Variants in MCPH1 observed in about 807,000 individuals in gnomAD.
The protein encoded by MCPH1 is microcephalin 1.
Under a neutral mutation model 84.5 loss-of-function variants are expected in MCPH1, and 104 were observed. The observed-to-expected ratio is 1.23, with a 90% CI of 1.05 to 1.45. The LOEUF is 1.45. Ranked by LOEUF, MCPH1 falls within the 40% of genes most tolerant of loss-of-function variation. The pLI, the probability that MCPH1 is intolerant of heterozygous loss-of-function variation, is 0.00. For synonymous variants in MCPH1, 514 were observed against 366.8 expected (o/e 1.40, Z -4.58); for missense variants, 1,498 against 1,005.7 (o/e 1.49, Z -6.62).
chr8:6,447,238 C>T, intron 8 of MCPH1: 1 of 985,314 alleles, frequency 1.0e-6, no homozygotes, highest in Non-Finnish European at 1.2e-6. Context: ...TCAGGTGAAC[C>T]AACTCTCTTT....
At chr8:6,420,791 C>G (rs1166222381) in intron 3 of MCPH1, among the ~76,000 whole-genome samples, 2 of 152,128 alleles carry the variant, frequency 1.3e-5, no homozygotes, top group Non-Finnish European at 2.9e-5. Flanking sequence ...TGGAAGGTAT[C>G]CAAGTTACCG....
At chr8:6,599,768 T>A (rs1460539278) in intron 12 of MCPH1, among the ~76,000 whole-genome samples, 1 of 152,232 alleles carries the variant, frequency 6.6e-6, no homozygotes, top group East Asian at 1.9e-4. Flanking sequence ...ACAGAGAGAT[T>A]CAATTAGAGA....
intron 12 of MCPH1, among the ~76,000 whole-genome samples, chr8:6,505,239 A>AATAG (rs1813106006): frequency 1.6e-5 from 1 of 60,884 alleles, no homozygotes; most frequent in Non-Finnish European, 2.8e-5. Context: ...GTATATATAG[A>AATAG]ATATATATTC....
intron 12 of MCPH1, among the ~76,000 whole-genome samples, chr8:6,559,519 A>C (rs1455319429): frequency 6.6e-6 from 1 of 151,934 alleles, no homozygotes; most frequent in Non-Finnish European, 1.5e-5. Flanking sequence ...AACAAACAAA[A>C]AACGATGGCA....
At chr8:6,425,601 G>T (rs1257983944) in intron 3 of MCPH1, among the ~76,000 whole-genome samples, 3 of 152,186 alleles carry the variant, frequency 2.0e-5, no homozygotes, top group Non-Finnish European at 4.4e-5. Flanking sequence ...TGGTTGGGAA[G>T]CTTCTCCCAA....
At chr8:6,480,002 A>G (rs1436380395) in intron 10 of MCPH1, among the ~76,000 whole-genome samples, 3 of 152,180 alleles carry the variant, frequency 2.0e-5, no homozygotes, top group Non-Finnish European at 4.4e-5. Flanking sequence ...AAAATAAGTG[A>G]GGTTCTTGGT....
chr8:6,554,807 GAA>G (rs1372439836), intron 12 of MCPH1, among the ~76,000 whole-genome samples: 1 of 152,164 alleles, frequency 6.6e-6, no homozygotes, highest in Non-Finnish European at 1.5e-5. Context: ...ATTGCAAAGA[GAA>G]AGGTTTTAGC....
chr8:6,520,886 G>A (rs2922897), intron 12 of MCPH1, among the ~76,000 whole-genome samples: 52,980 of 151,984 alleles, frequency 0.35, 9,379 homozygotes, highest in Middle Eastern at 0.48. Context: ...AATGAATATC[G>A]GCTGTGGTTT....
Position 6,454,305 on chromosome 8 carries a change from G to C in MCPH1, c.1826-838G>C, listed in dbSNP as rs145268018. On this transcript the variant is annotated intron_variant, in intron 8 of 13. Transcript: ENST00000344683. ...TTTGTTAATCATTAGGTAATCAACA[G>C]TGCAGTTTGGCTATCACCTGCCTGG... Among the ~76,000 whole-genome samples, 353 of 152,308 alleles carry C rather than the reference G, an allele frequency of 2.3e-3. 2 individuals are homozygous for C. The highest frequency in any genetic ancestry group is 7.6e-3 in the African/African-American group (314 of 41,574).
chr8:6,477,445 T>C, intron 9 of MCPH1, 149 bp from the exon 10 acceptor site: 2 of 669,262 alleles, frequency 3.0e-6, no homozygotes, highest in Non-Finnish European at 5.1e-6. Context: ...TTTCCAGGAA[T>C]ATAAAGGTTT....
intron 12 of MCPH1, among the ~76,000 whole-genome samples, chr8:6,504,163 A>G (rs1018068398): frequency 1.3e-5 from 2 of 151,830 alleles, no homozygotes; most frequent in African/African-American, 2.4e-5. Context: ...CTAAAAATAC[A>G]AAAAATTAGC....
intron 12 of MCPH1, among the ~76,000 whole-genome samples, chr8:6,579,614 G>A (rs1415538561): frequency 6.6e-6 from 1 of 152,146 alleles, no homozygotes; most frequent in Non-Finnish European, 1.5e-5. Flanking sequence ...TGTTGTTGTT[G>A]TTGTCATTGC....
rs377170847 is a variant in MCPH1, at chr8:6,409,402, G to A, written c.114+32G>A. ...CACTTATTTTGCTGTTGATTCATAT[G>A]ACAGTCTTCTGATTGGTAAAAAGTT... On this transcript the variant is annotated intron_variant, in intron 2 of 13. Transcript: ENST00000344683. The A allele has an allele frequency of 1.9e-5, 29 of 1,498,764 alleles. No homozygotes were observed. The African/African-American group carries it at 3.7e-4, about 19-fold the overall frequency. 92.8% of individuals were successfully genotyped at this position (1,498,764 alleles called of 1,614,324 possible). A position where few individuals can be genotyped will look rare whatever the true frequency, so the allele number is the denominator to read the frequency against.
chr8:6,627,861 C>T lies in MCPH1; in HGVS notation c.2452+6170C>T, dbSNP rs576146401. Among the ~76,000 whole-genome samples the T allele has an allele frequency of 3.9e-5, 6 of 152,144 alleles. No individual in the cohort carries two copies. In the East Asian group the frequency reaches 1.2e-3, roughly 29 times the overall value. On this transcript the variant is annotated intron_variant, in intron 13 of 13. Coordinates refer to ENST00000344683, the MANE Select transcript of MCPH1 (RefSeq NM_024596.5). ...GAGCTGTGATCATGCCATTGCACTC[C>T]AGCCTGTGCGACAGAGTGAGAACCT...
chr8:6,633,734 C>A (rs2129582555), intron 13 of MCPH1, among the ~76,000 whole-genome samples: 1 of 152,268 alleles, frequency 6.6e-6, no homozygotes, highest in South Asian at 2.1e-4. Context: ...CTGGACGCAC[C>A]CAACGCAGAT....
chr8:6,509,144 C>T, intron 12 of MCPH1: 1 of 1,528,450 alleles, frequency 6.5e-7, no homozygotes, highest in Non-Finnish European at 8.9e-7. Flanking sequence ...ATGAAGAATT[C>T]CATTCTACAG....
Position 6,645,542 on chromosome 8 carries a change from T to G in MCPH1, c.*2493T>G, listed in dbSNP as rs573754445. The G allele has an allele frequency of 7.6e-6, 1 of 131,642 alleles. No homozygotes were observed. Among genetic ancestry groups the G allele is most frequent in the South Asian group, 2.3e-4 (1 of 4,304 alleles). The allele number at this position is 131,642 out of a possible 1,614,324, so 8.2% of individuals were successfully genotyped here. A position where few individuals can be genotyped will look rare whatever the true frequency, so the allele number is the denominator to read the frequency against. ...AAATTAAAGCTATACAGATTGGAAG[T>G]GAAGAAATAAAAGTCTTTATTCTCA... On this transcript the variant is annotated 3_prime_UTR_variant, in exon 14 of 14. Transcript: ENST00000344683.
intron 10 of MCPH1, among the ~76,000 whole-genome samples, chr8:6,478,470 G>A (rs1405276850): frequency 2.0e-5 from 3 of 152,066 alleles, no homozygotes; most frequent in African/African-American, 7.2e-5. Context: ...CAAAATAAAA[G>A]AAAAATTACT....
intron 8 of MCPH1, chr8:6,446,335 GAA>G: frequency 1.0e-6 from 1 of 985,136 alleles, no homozygotes; most frequent in Non-Finnish European, 1.2e-6. Context: ...ATTTGAGTGA[GAA>G]CGCATTCTCT....
Sources: allele counts gnomAD v4.1 joint callset (sites outside exome capture counted in the v4.1 genomes callset), GRCh38; gene constraint gnomAD v4.1.1; transcripts MANE v1.5; gene names NCBI Gene and HGNC (gene_info 2026-07-23, HGNC 2026-07-21).